CGNL1: variants seen among roughly 807,000 people sequenced by gnomAD.
CGNL1 encodes cingulin like 1.
Under a neutral mutation model 141.2 loss-of-function variants are expected in CGNL1, and 132 were observed. That is an observed-to-expected ratio of 0.93 (90% confidence interval 0.81 to 1.08). The LOEUF is 1.08. CGNL1 is among the 50% of genes least tolerant of loss of function. The pLI is 0.00. For synonymous variants in CGNL1, 690 were observed against 622.1 expected, an observed-to-expected ratio of 1.11 and a Z score of -1.63; for missense variants, 1,870 against 1,588.6, an observed-to-expected ratio of 1.18 and a Z score of -3.01.
intron 1 of CGNL1, among the ~76,000 whole-genome samples, chr15:57,428,826 C>T (rs749443172): frequency 1.3e-5 from 2 of 152,114 alleles, no homozygotes; most frequent in African/African-American, 2.4e-5. Context: ...AGATCGAGAC[C>T]ATCCTGGCCA....
chr15:57,513,183 G>A (rs1187361964), intron 8 of CGNL1, among the ~76,000 whole-genome samples: 1 of 151,622 alleles, frequency 6.6e-6, no homozygotes, highest in South Asian at 2.1e-4. Context: ...TAGCAGCCCA[G>A]GGCAATCACT....
intron 1 of CGNL1, among the ~76,000 whole-genome samples, chr15:57,423,672 G>A (rs949810493): frequency 4.6e-5 from 7 of 152,144 alleles, no homozygotes; most frequent in Non-Finnish European, 5.9e-5. Flanking sequence ...TGCATCCCCA[G>A]CTTCTCTGGG....
chr15:57,436,829 A>C (rs2063111705), intron 1 of CGNL1, among the ~76,000 whole-genome samples: 2 of 152,174 alleles, frequency 1.3e-5, no homozygotes, highest in Non-Finnish European at 2.9e-5. Context: ...CAGTGTAATC[A>C]AGAAATAGAA....
intron 8 of CGNL1, among the ~76,000 whole-genome samples, chr15:57,484,885 A>G (rs1000561979): frequency 6.7e-6 from 1 of 150,332 alleles, no homozygotes. Context: ...AAAGGATATG[A>G]ACTCATTCTT....
At chr15:57,381,717 C>G (rs986733001) in intron 1 of CGNL1, among the ~76,000 whole-genome samples, 12 of 152,176 alleles carry the variant, frequency 7.9e-5, no homozygotes, top group African/African-American at 2.9e-4. Flanking sequence ...TTTTTAACAT[C>G]ACAGTCTCCT....
intron 11 of CGNL1, among the ~76,000 whole-genome samples, chr15:57,524,234 AC>A (rs1370074438): frequency 6.6e-6 from 1 of 152,226 alleles, no homozygotes; most frequent in Non-Finnish European, 1.5e-5. Context: ...ACTAATTCTG[AC>A]AACAACCCTG....
intron 8 of CGNL1, among the ~76,000 whole-genome samples, chr15:57,495,588 C>T (rs2063926401): frequency 2.0e-5 from 3 of 152,300 alleles, no homozygotes; most frequent in South Asian, 4.2e-4. Context: ...ATAATCAGCC[C>T]TAGGGACTCT....
intron 1 of CGNL1, among the ~76,000 whole-genome samples, chr15:57,409,040 C>CAT (rs1166107277): frequency 1.5e-4 from 16 of 108,236 alleles, no homozygotes; most frequent in Admixed American, 2.9e-4. Context: ...GACTCTGTCA[C>CAT]ACACACACAC....
Position 57,473,896 on chromosome 15 carries a change from CTTCTTTTTTTT to C in CGNL1, c.2403+12007_2403+12017del, listed in dbSNP as rs1217416245. ...GTCACTTCTTCTTCTTCTTCTTCTT[CTTCTTTTTTTT>C]TTTTTTTTTTTTTTTTTTCTGAGAC... is the stretch of plus-strand genomic sequence containing the variant. On this transcript the variant is annotated intron_variant, in intron 8 of 18. Transcript: ENST00000281282. 4.8e-3 allele frequency among the ~76,000 whole-genome samples: 524 copies of C among 109,952 alleles called. 2 individuals are homozygous for C. The highest frequency in any genetic ancestry group is 0.017 in the African/African-American group (493 of 29,222). 72.1% of individuals were successfully genotyped at this position (109,952 alleles called of 152,430 possible).
intron 8 of CGNL1, among the ~76,000 whole-genome samples, chr15:57,481,006 G>A (rs554605044): frequency 6.8e-6 from 1 of 147,102 alleles, no homozygotes; most frequent in East Asian, 2.0e-4. Flanking sequence ...GAAATTATCA[G>A]CTCAACCAAT....
rs1371339250 is a variant in CGNL1, at chr15:57,486,898, A to T, written c.2403+25006A>T. On this transcript the variant is annotated intron_variant, in intron 8 of 18. Transcript: ENST00000281282. ...TGTTTGCATTCTGTCCTTGTTTTAC[A>T]TTTCCATTGGGAGTGGTGTTTTAGA... is the stretch of plus-strand genomic sequence containing the variant. Among the ~76,000 whole-genome samples the T allele has an allele frequency of 3.9e-5, 6 of 152,142 alleles. No individual in the cohort carries two copies. The East Asian group carries it at 1.2e-3, about 29-fold the overall frequency.
At chr15:57,465,383 CTTTTTT>C (rs11332989) in intron 8 of CGNL1, among the ~76,000 whole-genome samples, 12 of 80,840 alleles carry the variant, frequency 1.5e-4, no homozygotes, top group Admixed American at 4.7e-4. Context: ...TAAAAACTGA[CTTTTTT>C]TTTTTTTTTT....
chr15:57,394,669 C>G, intron 1 of CGNL1, among the ~76,000 whole-genome samples: 1 of 152,182 alleles, frequency 6.6e-6, no homozygotes, highest in East Asian at 1.9e-4. Flanking sequence ...ATTGTAATCT[C>G]CCATCCAAGA....
chr15:57,516,945 G>A lies in CGNL1; in HGVS notation c.2569G>A (p.Gly857Ser), dbSNP rs1243567236. The change falls in exon 9 of 19, where the codon GGC (glycine) becomes AGC (serine). Residue 857 changes from glycine (G) to serine (S), a missense_variant. Gly to Ser is a moderately conservative substitution (Grantham distance 56). Transcript: ENST00000281282. ...TCAAAGGCAGATCGAGGACCTGAAA[G>A]GCGATGAAGCCAAGGCGAAGGAAAC... ...QLQRQIEDLK[G>S]DEAKAKETLK... 11 of 1,613,606 alleles carry A rather than the reference G, an allele frequency of 6.8e-6. No homozygotes were observed. The East Asian group carries it at 2.5e-4, about 36-fold the overall frequency.
intron 4 of CGNL1, among the ~76,000 whole-genome samples, chr15:57,446,241 C>A (rs1001930950): frequency 1.5e-4 from 23 of 152,150 alleles, no homozygotes; most frequent in African/African-American, 5.6e-4. Flanking sequence ...GTAAATTACA[C>A]AAATTCCATC....
intron 1 of CGNL1, among the ~76,000 whole-genome samples, chr15:57,389,682 A>G (rs561093121): frequency 6.6e-6 from 1 of 152,366 alleles, no homozygotes; most frequent in Non-Finnish European, 1.5e-5. Flanking sequence ...TTTCCTTAAC[A>G]TAAGCGTAAA....
chr15:57,386,424 C>G (rs752517146), intron 1 of CGNL1, among the ~76,000 whole-genome samples: 2 of 152,158 alleles, frequency 1.3e-5, no homozygotes, highest in South Asian at 4.1e-4. Context: ...GCATTTTTCA[C>G]GGGATCCGTT....
chr15:57,479,356 C>T (rs1300943101), intron 8 of CGNL1, among the ~76,000 whole-genome samples: 2 of 152,108 alleles, frequency 1.3e-5, no homozygotes, highest in Admixed American at 6.5e-5. Context: ...GCAATAGAAA[C>T]AATCAGCATT....
rs757498957 is a variant in CGNL1, at chr15:57,461,849, C to T, written c.2360C>T (p.Ala787Val). The T allele has an allele frequency of 1.2e-6, 2 of 1,613,968 alleles. No individual in the cohort carries two copies. Among genetic ancestry groups the T allele is most frequent in the Non-Finnish European group, 8.5e-7 (1 of 1,179,982 alleles). ...EMDKLKEQYDAELQALRESVE... is the reference protein window; with the variant it reads ...EMDKLKEQYDVELQALRESVE... ...GACAAGCTGAAGGAGCAATATGATG[C>T]TGAGTTGCAGGCCCTGAGGGAGAGT... The change falls in exon 8 of 19, where the codon GCT becomes GTT. Residue 787 changes from alanine (A) to valine (V), a missense_variant. Physicochemically the swap from Ala to Val is moderately conservative, Grantham distance 64. Transcript: ENST00000281282.
Sources: gnomAD v4.1 joint callset for allele counts (sites outside exome capture counted in the v4.1 genomes callset) on GRCh38, gnomAD v4.1.1 for gene constraint, MANE v1.5 for transcripts, NCBI Gene and HGNC (gene_info 2026-07-23, HGNC 2026-07-21) for gene names.